Variants in TIAM1 observed in about 807,000 individuals in gnomAD.
TIAM1 encodes the protein rho guanine nucleotide exchange factor TIAM1.
In TIAM1, 65 loss-of-function variants were observed where a neutral mutation model predicts 163.5. The ratio of observed to expected loss-of-function variants is 0.40; its 90% confidence interval spans 0.33 to 0.49. TIAM1 has a LOEUF of 0.49. Among genes scored for constraint, TIAM1 ranks in the 20% least tolerant of loss-of-function variants. The probability of loss-of-function intolerance (pLI) is 0.77; values close to 1 mark genes in which losing one functional copy is unlikely to be tolerated. For missense variants in TIAM1, 1,789 were observed against 2,044.7 expected (o/e 0.87, Z 2.41); for synonymous variants, 833 against 810.1 (o/e 1.03, Z -0.48).
chr21:31,467,358 C>T (rs75097321), intron 1 of TIAM1, among the ~76,000 whole-genome samples: 4,616 of 151,954 alleles, frequency 0.03, 235 homozygotes, highest in African/African-American at 0.1. Context: ...TAAGGCCGGG[C>T]GCAGTGGCTC....
At chr21:31,480,065 G>A (rs868460148) in intron 1 of TIAM1, among the ~76,000 whole-genome samples, 1 of 152,122 alleles carries the variant, frequency 6.6e-6, no homozygotes, top group African/African-American at 2.4e-5. Context: ...GGTGCTTAAC[G>A]CCCAACACAA....
At chr21:31,319,868 C>T (rs1197378797) in intron 2 of TIAM1, among the ~76,000 whole-genome samples, 1 of 151,446 alleles carries the variant, frequency 6.6e-6, no homozygotes, top group Non-Finnish European at 1.5e-5. Flanking sequence ...CAATCCCCTA[C>T]AGATATTGAG....
chr21:31,543,132 C>A (rs1045827943), intron 1 of TIAM1, among the ~76,000 whole-genome samples: 2 of 152,206 alleles, frequency 1.3e-5, no homozygotes, highest in East Asian at 3.9e-4. Context: ...CATGCTGCCT[C>A]ATGTTGCCTC....
chr21:31,246,459 T>C (rs2071507669), intron 5 of TIAM1, among the ~76,000 whole-genome samples: 1 of 152,206 alleles, frequency 6.6e-6, no homozygotes, highest in African/African-American at 2.4e-5. Flanking sequence ...GAGCTGAACA[T>C]TTACTCCAAA....
At chr21:31,356,809 C>G (rs995497734) in intron 2 of TIAM1, among the ~76,000 whole-genome samples, 1 of 152,190 alleles carries the variant, frequency 6.6e-6, no homozygotes, top group African/African-American at 2.4e-5. Context: ...ATATTTCATG[C>G]TCCTCCTTAA....
intron 27 of TIAM1, among the ~76,000 whole-genome samples, chr21:31,122,898 G>C (rs1484186474): frequency 6.6e-6 from 1 of 152,194 alleles, no homozygotes; most frequent in African/African-American, 2.4e-5. Flanking sequence ...AGACTGACCA[G>C]CTATGCTGTG....
chr21:31,485,991 T>G (rs1056242242), intron 1 of TIAM1, among the ~76,000 whole-genome samples: 2 of 152,118 alleles, frequency 1.3e-5, no homozygotes, highest in African/African-American at 4.8e-5. Flanking sequence ...ATTCCCTGAT[T>G]CCAAGCAACC....
intron 6 of TIAM1, among the ~76,000 whole-genome samples, chr21:31,231,045 C>T (rs1392436676): frequency 6.6e-6 from 1 of 151,848 alleles, no homozygotes; most frequent in Non-Finnish European, 1.5e-5. Flanking sequence ...TGGCACTTGG[C>T]TTTGGCCAGT....
intron 2 of TIAM1, among the ~76,000 whole-genome samples, chr21:31,328,069 C>T (rs1283636316): frequency 6.6e-6 from 1 of 152,138 alleles, no homozygotes; most frequent in African/African-American, 2.4e-5. Context: ...CCTCGATGCT[C>T]CCTCTGTCAG....
intron 4 of TIAM1, among the ~76,000 whole-genome samples, chr21:31,261,486 A>G (rs1043069505): frequency 6.6e-6 from 1 of 152,010 alleles, no homozygotes; most frequent in South Asian, 2.1e-4. Context: ...CTGAGGCGGG[A>G]AGATCACCGG....
intron 2 of TIAM1, among the ~76,000 whole-genome samples, chr21:31,463,258 G>A (rs2045400288): frequency 6.6e-6 from 1 of 152,204 alleles, no homozygotes; most frequent in Non-Finnish European, 1.5e-5. Flanking sequence ...CAGAGCAGCC[G>A]TGATCAACCA....
At chr21:31,210,252 T>A (rs1210864335) in intron 10 of TIAM1, 37 bp from the exon 11 acceptor site, 3 of 1,604,426 alleles carry the variant, frequency 1.9e-6, no homozygotes, top group South Asian at 2.2e-5. Flanking sequence ...GCAGCAGCAG[T>A]GGAGCTCTGA....
At chr21:31,201,084 T>G (rs1047380874) in intron 12 of TIAM1, among the ~76,000 whole-genome samples, 1 of 152,206 alleles carries the variant, frequency 6.6e-6, no homozygotes, top group Admixed American at 6.5e-5. Context: ...ATACCTCTTA[T>G]GTGAAAAATA....
intron 11 of TIAM1, among the ~76,000 whole-genome samples, chr21:31,205,232 A>T (rs1387465839): frequency 6.6e-6 from 1 of 152,234 alleles, no homozygotes; most frequent in Non-Finnish European, 1.5e-5. Context: ...GTCCTCACTG[A>T]AATCTTTAAT....
At chr21:31,471,831 T>C (rs770745237) in intron 1 of TIAM1, among the ~76,000 whole-genome samples, 4 of 151,632 alleles carry the variant, frequency 2.6e-5, no homozygotes, top group Non-Finnish European at 5.9e-5. Flanking sequence ...ATTGCGCCAT[T>C]GCATTCCAGC....
chr21:31,313,306 G>A (rs1318682310), intron 2 of TIAM1, among the ~76,000 whole-genome samples: 1 of 152,182 alleles, frequency 6.6e-6, no homozygotes, highest in African/African-American at 2.4e-5. Context: ...ATGGGGGTGA[G>A]GAGGAGTACA....
chr21:31,261,166 G>A (rs1474047774), intron 4 of TIAM1, among the ~76,000 whole-genome samples: 3 of 151,972 alleles, frequency 2.0e-5, no homozygotes, highest in East Asian at 1.9e-4. Flanking sequence ...CAGCCGTGAG[G>A]GATGGCTCTG....
At chr21:31,264,061 T>C (rs949272073) in intron 4 of TIAM1, among the ~76,000 whole-genome samples, 3 of 152,216 alleles carry the variant, frequency 2.0e-5, no homozygotes, top group African/African-American at 7.2e-5. Flanking sequence ...GAGGCAAGCT[T>C]CAGGCTTACG....
At chr21:31,232,582 C>G (rs919208152) in intron 6 of TIAM1, among the ~76,000 whole-genome samples, 6 of 152,178 alleles carry the variant, frequency 3.9e-5, no homozygotes, top group African/African-American at 1.4e-4. Context: ...AACACCTCAA[C>G]TGCTCACAGT....
Sources: gnomAD v4.1 joint callset for allele counts (sites outside exome capture counted in the v4.1 genomes callset) on GRCh38, gnomAD v4.1.1 for gene constraint, MANE v1.5 for transcripts, NCBI Gene and HGNC (gene_info 2026-07-23, HGNC 2026-07-21) for gene names.